ATP6V1G3: variants seen among roughly 807,000 people sequenced by gnomAD.
The protein encoded by ATP6V1G3 is ATPase H+ transporting V1 subunit G3.
Under a neutral mutation model 9.3 loss-of-function variants are expected in ATP6V1G3, and 9 were observed. The ratio of observed to expected loss-of-function variants is 0.97; its 90% CI spans 0.59 to 1.69. The LOEUF is 1.69. Ranked by LOEUF, ATP6V1G3 falls within the 40% of genes most tolerant of loss-of-function variation. The pLI is 0.00. For missense variants in ATP6V1G3, 133 were observed against 139.0 expected, an observed-to-expected ratio of 0.96 and a Z score of 0.22; for synonymous variants, 43 against 43.8, an observed-to-expected ratio of 0.98 and a Z score of 0.07.
intron 2 of ATP6V1G3, among the ~76,000 whole-genome samples, chr1:198,528,363 A>G (rs1270001414): frequency 6.6e-6 from 1 of 152,094 alleles, no homozygotes; most frequent in Non-Finnish European, 1.5e-5. Context: ...TTCTGCACAG[A>G]GCTTTACTTA....
intron 1 of ATP6V1G3, among the ~76,000 whole-genome samples, chr1:198,535,089 C>A (rs1055404865): frequency 1.3e-5 from 2 of 151,978 alleles, no homozygotes; most frequent in African/African-American, 4.8e-5. Context: ...TTGTGTAGCT[C>A]CTGGACTGAA....
intron 2 of ATP6V1G3, among the ~76,000 whole-genome samples, chr1:198,524,775 G>C (rs1659592162): frequency 6.6e-6 from 1 of 152,140 alleles, no homozygotes; most frequent in African/African-American, 2.4e-5. Flanking sequence ...TCCTACACAT[G>C]GCATTTTAAA....
chr1:198,524,536 GT>G (rs1659582731), intron 2 of ATP6V1G3, among the ~76,000 whole-genome samples: 1 of 152,158 alleles, frequency 6.6e-6, no homozygotes, highest in Non-Finnish European at 1.5e-5. Flanking sequence ...TGTAGACACA[GT>G]TTAATATATC....
intron 2 of ATP6V1G3, among the ~76,000 whole-genome samples, chr1:198,524,063 A>T (rs1659557531): frequency 6.6e-6 from 1 of 151,422 alleles, no homozygotes; most frequent in Non-Finnish European, 1.5e-5. Context: ...TCTGAACTGT[A>T]TCTTGCTTTT....
intron 2 of ATP6V1G3, 97 bp downstream of exon 2, chr1:198,528,984 C>A: frequency 2.1e-6 from 1 of 471,664 alleles, no homozygotes; most frequent in Non-Finnish European, 3.8e-6. Context: ...TGCTCAATTG[C>A]AGCATATTTT....
intron 1 of ATP6V1G3, among the ~76,000 whole-genome samples, chr1:198,539,004 T>G (rs1250108386): frequency 6.6e-6 from 1 of 152,152 alleles, no homozygotes; most frequent in Non-Finnish European, 1.5e-5. Flanking sequence ...TCTATAAAAC[T>G]ACTCTACATT....
chr1:198,535,637 G>A (rs889693363), intron 1 of ATP6V1G3, among the ~76,000 whole-genome samples: 1 of 151,996 alleles, frequency 6.6e-6, no homozygotes, highest in African/African-American at 2.4e-5. Context: ...AATATTAACA[G>A]CTAAAATTTC....
chr1:198,524,678 A>G (rs1659588276), intron 2 of ATP6V1G3, among the ~76,000 whole-genome samples: 1 of 152,218 alleles, frequency 6.6e-6, no homozygotes, highest in African/African-American at 2.4e-5. Context: ...ATTTAAAGGA[A>G]TTCTGCAGTG....
At chr1:198,524,531 A>G (rs1486169040) in intron 2 of ATP6V1G3, among the ~76,000 whole-genome samples, 1 of 152,190 alleles carries the variant, frequency 6.6e-6, no homozygotes, top group Non-Finnish European at 1.5e-5. Flanking sequence ...ATAATTGTAG[A>G]CACAGTTTAA....
intron 1 of ATP6V1G3, among the ~76,000 whole-genome samples, chr1:198,530,862 A>G (rs1448070756): frequency 1.3e-5 from 2 of 152,138 alleles, no homozygotes; most frequent in Non-Finnish European, 2.9e-5. Context: ...CAGAATGTTA[A>G]TGTATTGATT....
At position 198,528,720 on chromosome 1, in the gene ATP6V1G3, A is replaced by C. The variant is rs1048573404; in HGVS notation, c.183+361T>G. 3.3e-5 allele frequency among the ~76,000 whole-genome samples: 5 copies of C among 152,080 alleles called. 1 individual carries two copies. The South Asian group carries it at 1.0e-3, about 31-fold the overall frequency. On this transcript the variant is annotated intron_variant, in intron 2 of 2. Transcript: ENST00000367382. ...TTTATGTAACTAACCATATATATTT[A>C]TATAAAAACATGTTCTCTGAAGTTA... is the stretch of plus-strand genomic sequence containing the variant.
At chr1:198,525,348 A>C (rs1273696576) in intron 2 of ATP6V1G3, among the ~76,000 whole-genome samples, 4 of 152,202 alleles carry the variant, frequency 2.6e-5, no homozygotes, top group Non-Finnish European at 4.4e-5. Context: ...AACAGCATTA[A>C]AAATAGTTGT....
At chr1:198,540,852 A>C, upstream of ATP6V1G3, 1 of 597,578 alleles carries the variant, frequency 1.7e-6, no homozygotes, top group South Asian at 2.0e-5. Context: ...AGTTAAACCA[A>C]TGTGCATAAA....
Position 198,523,345 on chromosome 1 carries a change from G to T in ATP6V1G3, c.*46C>A. ...AAAATACGAAGCCATAAGCAACCAG[G>T]TGGCACTCACACACCTTTTTTTTTC... On this transcript the variant is annotated 3_prime_UTR_variant, in exon 3 of 3. Transcript: ENST00000367382. The T allele has an allele frequency of 6.4e-7, 1 of 1,566,334 alleles. No individual in the cohort carries two copies. The highest frequency in any genetic ancestry group is 8.7e-7 in the Non-Finnish European group (1 of 1,152,912).
chr1:198,540,705 T>C (rs1660313336), upstream of ATP6V1G3: 2 of 1,484,464 alleles, frequency 1.3e-6, no homozygotes, highest in Non-Finnish European at 1.9e-6. Flanking sequence ...AATGGGTTCA[T>C]TTATTCTTTT....
intron 1 of ATP6V1G3, among the ~76,000 whole-genome samples, chr1:198,529,844 T>C (rs1190272794): frequency 6.6e-6 from 1 of 152,098 alleles, no homozygotes; most frequent in East Asian, 1.9e-4. Context: ...TTGTTTTTAA[T>C]GATTAGGAGA....
chr1:198,530,002 TG>T (rs923503750), intron 1 of ATP6V1G3, among the ~76,000 whole-genome samples: 29 of 151,750 alleles, frequency 1.9e-4, no homozygotes, highest in African/African-American at 5.6e-4. Flanking sequence ...AGAGTAAGTT[TG>T]GGGGGGGTTA....
intron 1 of ATP6V1G3, among the ~76,000 whole-genome samples, chr1:198,537,042 C>G (rs150680031): frequency 3.3e-4 from 50 of 152,220 alleles, no homozygotes; most frequent in African/African-American, 1.2e-3. Flanking sequence ...CTACTACTTC[C>G]CAGTCTGACT....
At chr1:198,537,924 G>A (rs1571721571) in intron 1 of ATP6V1G3, among the ~76,000 whole-genome samples, 1 of 152,114 alleles carries the variant, frequency 6.6e-6, no homozygotes, top group South Asian at 2.1e-4. Context: ...GCCATAGATC[G>A]CTTATGTGAG....
Sources: allele counts gnomAD v4.1 joint callset (sites outside exome capture counted in the v4.1 genomes callset), GRCh38; gene constraint gnomAD v4.1.1; transcripts MANE v1.5; gene names NCBI Gene and HGNC (gene_info 2026-07-23, HGNC 2026-07-21).